The following SLC39A11 variants were observed in gnomAD, a reference collection of about 807,000 sequenced individuals.
SLC39A11 encodes zinc transporter ZIP11.
A neutral mutation model predicts 36.1 loss-of-function variants in SLC39A11; 33 were observed. The observed-to-expected ratio is 0.91, with a 90% CI of 0.69 to 1.22. SLC39A11 has a LOEUF of 1.22. Ranked by LOEUF, SLC39A11 falls within the 50% of genes most tolerant of loss-of-function variation. The pLI is 0.00. For missense variants in SLC39A11, 432 were observed against 430.3 expected, an observed-to-expected ratio of 1.00 and a Z score of -0.03; for synonymous variants, 166 against 170.3, an observed-to-expected ratio of 0.97 and a Z score of 0.20.
intron 6 of SLC39A11, among the ~76,000 whole-genome samples, chr17:72,738,166 G>A (rs765416160): frequency 3.3e-5 from 5 of 152,024 alleles, no homozygotes; most frequent in Non-Finnish European, 7.4e-5. Context: ...TACCACGCCC[G>A]TCTAATTTTT....
intron 6 of SLC39A11, among the ~76,000 whole-genome samples, chr17:72,808,237 T>C (rs571944195): frequency 1.3e-5 from 2 of 152,336 alleles, no homozygotes; most frequent in South Asian, 2.1e-4. Context: ...CCTCCAGTCA[T>C]CTTTTTGGTA....
At chr17:72,702,883 G>A (rs2072714097) in intron 7 of SLC39A11, among the ~76,000 whole-genome samples, 1 of 129,386 alleles carries the variant, frequency 7.7e-6, no homozygotes, top group East Asian at 2.5e-4. Context: ...GTTGCAGTGA[G>A]CCAAGATCAC....
chr17:72,660,980 C>T lies in SLC39A11; in HGVS notation c.672-11712G>A, dbSNP rs187190979. ...ATGTTAGATGAGCTTGCTTCCTTAG[C>T]AAATAGCTGGACGACAAAAACTGCT... is the stretch of plus-strand genomic sequence containing the variant. On this transcript the variant is annotated intron_variant, in intron 7 of 9. Coordinates refer to ENST00000255559, the MANE Select transcript of SLC39A11 (RefSeq NM_139177.4). Among the ~76,000 whole-genome samples, 674 of 152,336 alleles carry T rather than the reference C, an allele frequency of 4.4e-3. 6 individuals carry two copies. The highest frequency in any genetic ancestry group is 0.015 in the African/African-American group (644 of 41,566).
In SLC39A11 at chr17:72,947,822, C is replaced by T. The variant is rs768938611; in HGVS notation, c.360G>A (p.Leu120=). The change falls in exon 5 of 10, where the codon TTG becomes TTA. Residue 120 remains leucine (L), a synonymous_variant. Transcript: ENST00000255559. ...CCTCAGGATCAGACTTCTTCTTCAT[C>T]AACGTAGAGCCGAAGTTCAGTGCCA... ...TTLALNFGST[L]MKKKSDPEGP... The T allele has an allele frequency of 1.2e-6, 2 of 1,614,040 alleles. No individual in the cohort carries two copies. Among genetic ancestry groups the T allele is most frequent in the African/African-American group, 1.3e-5 (1 of 74,922 alleles).
chr17:72,795,121 T>A (rs1320171242), intron 6 of SLC39A11, among the ~76,000 whole-genome samples: 1 of 152,128 alleles, frequency 6.6e-6, no homozygotes, highest in Non-Finnish European at 1.5e-5. Flanking sequence ...CTGTATAACA[T>A]CTTCCCTGCA....
intron 6 of SLC39A11, among the ~76,000 whole-genome samples, chr17:72,812,031 A>G (rs2077448576): frequency 6.6e-6 from 1 of 152,248 alleles, no homozygotes; most frequent in South Asian, 2.1e-4. Flanking sequence ...GGCTTTGGAG[A>G]GAGTTATTTC....
chr17:72,953,369 A>T (rs529340669), intron 4 of SLC39A11, among the ~76,000 whole-genome samples: 2 of 152,252 alleles, frequency 1.3e-5, no homozygotes, highest in African/African-American at 4.8e-5. Context: ...AAAGATGATG[A>T]AATAATGTGA....
At chr17:72,705,203 T>C (rs191277624) in intron 7 of SLC39A11, among the ~76,000 whole-genome samples, 1 of 152,306 alleles carries the variant, frequency 6.6e-6, no homozygotes, top group South Asian at 2.1e-4. Context: ...ACTAGAAACA[T>C]GTCATTAAAG....
intron 6 of SLC39A11, among the ~76,000 whole-genome samples, chr17:72,811,007 T>C (rs2077419653): frequency 1.3e-5 from 2 of 152,088 alleles, no homozygotes; most frequent in South Asian, 4.1e-4. Context: ...AAAAATTCTT[T>C]AAGTTGTATA....
At chr17:72,696,341 G>A (rs1297594757) in intron 7 of SLC39A11, among the ~76,000 whole-genome samples, 1 of 152,076 alleles carries the variant, frequency 6.6e-6, no homozygotes, top group African/African-American at 2.4e-5. Flanking sequence ...ATCCTTCTAA[G>A]CACAAATAAT....
chr17:72,830,851 G>A (rs899855678), intron 6 of SLC39A11, among the ~76,000 whole-genome samples: 6 of 151,976 alleles, frequency 3.9e-5, no homozygotes, highest in Admixed American at 2.6e-4. Context: ...TTCCCCTGTC[G>A]GCTCCATGGG....
At chr17:72,745,651 A>G (rs2074904733) in intron 6 of SLC39A11, among the ~76,000 whole-genome samples, 1 of 152,162 alleles carries the variant, frequency 6.6e-6, no homozygotes, top group East Asian at 1.9e-4. Flanking sequence ...AGGGCATTAT[A>G]TGGATGTCAC....
chr17:72,728,136 G>T lies in SLC39A11; in HGVS notation c.671+8514C>A, dbSNP rs116927260. On this transcript the variant is annotated intron_variant, in intron 7 of 9. Coordinates refer to ENST00000255559, the MANE Select transcript of SLC39A11 (RefSeq NM_139177.4). Reference sequence around the variant, plus strand: ...CAGGGATTGTGTCCACTAAAGGAGGGGTCTAACGCTTTCTGAAAAGGGTCA... The same window carrying T: ...CAGGGATTGTGTCCACTAAAGGAGGTGTCTAACGCTTTCTGAAAAGGGTCA... 4.1e-3 allele frequency among the ~76,000 whole-genome samples: 618 copies of T among 152,204 alleles called. 11 individuals are homozygous for T. The East Asian group carries it at 0.05, about 12-fold the overall frequency.
At chr17:72,861,031 G>A (rs1033287481) in intron 5 of SLC39A11, among the ~76,000 whole-genome samples, 4 of 152,110 alleles carry the variant, frequency 2.6e-5, no homozygotes, top group Non-Finnish European at 4.4e-5. Flanking sequence ...TTTCTGCCAC[G>A]AACTAGTATT....
intron 5 of SLC39A11, among the ~76,000 whole-genome samples, chr17:72,932,019 G>A (rs2452934): frequency 0.043 from 6,475 of 152,086 alleles, 447 homozygotes; most frequent in African/African-American, 0.15. Flanking sequence ...TTATCACATC[G>A]ATTTTATAGT....
intron 6 of SLC39A11, among the ~76,000 whole-genome samples, chr17:72,834,359 C>T (rs1383598462): frequency 2.0e-5 from 3 of 152,208 alleles, no homozygotes; most frequent in East Asian, 1.9e-4. Context: ...CGGTGGCTCA[C>T]GCCTATAATC....
intron 3 of SLC39A11, among the ~76,000 whole-genome samples, chr17:73,048,211 C>T (rs1403400305): frequency 6.6e-6 from 1 of 151,712 alleles, no homozygotes; most frequent in Non-Finnish European, 1.5e-5. Context: ...TTAGAGTCTT[C>T]AGTGCTTCTT....
intron 4 of SLC39A11, among the ~76,000 whole-genome samples, chr17:73,005,698 C>G (rs1267767695): frequency 2.0e-5 from 3 of 152,212 alleles, no homozygotes; most frequent in African/African-American, 7.2e-5. Context: ...CCTGTAATCC[C>G]AACACTTTGG....
At chr17:72,924,216 C>T (rs187076257) in intron 5 of SLC39A11, among the ~76,000 whole-genome samples, 61 of 140,766 alleles carry the variant, frequency 4.3e-4, no homozygotes, top group African/African-American at 1.5e-3. Context: ...AGGACACAGA[C>T]AAAACTAAGG....
Sources: allele counts gnomAD v4.1 joint callset (sites outside exome capture counted in the v4.1 genomes callset), GRCh38; gene constraint gnomAD v4.1.1; transcripts MANE v1.5; gene names NCBI Gene and HGNC (gene_info 2026-07-23, HGNC 2026-07-21).